RPH3A: variants seen among roughly 807,000 people sequenced by gnomAD.
The protein encoded by RPH3A is rabphilin-3A.
In RPH3A, 48 loss-of-function variants were observed where a neutral mutation model predicts 102.2. That is an observed-to-expected ratio of 0.47 (90% confidence interval 0.37 to 0.60). The LOEUF is 0.60. Among genes scored for constraint, RPH3A ranks in the 20% least tolerant of loss-of-function variants. The pLI is 0.00. For missense variants in RPH3A, 781 were observed against 910.1 expected (o/e 0.86, Z 1.83); for synonymous variants, 310 against 324.3 (o/e 0.96, Z 0.47).
chr12:112,673,400 G>A (rs953978570), intron 1 of RPH3A, among the ~76,000 whole-genome samples: 3 of 152,004 alleles, frequency 2.0e-5, no homozygotes, highest in African/African-American at 7.3e-5. Flanking sequence ...GCATGAACAT[G>A]GTTCACTGTA....
chr12:112,716,409 A>G (rs1015235235), intron 1 of RPH3A, among the ~76,000 whole-genome samples: 1 of 152,240 alleles, frequency 6.6e-6, no homozygotes, highest in African/African-American at 2.4e-5. Context: ...TGTATGAGTT[A>G]GAGTCCTGGT....
intron 1 of RPH3A, among the ~76,000 whole-genome samples, chr12:112,673,051 A>T (rs1488053934): frequency 1.3e-5 from 2 of 152,078 alleles, no homozygotes; most frequent in African/African-American, 4.8e-5. Flanking sequence ...CACTGAAGGC[A>T]CCCACAGCTC....
chr12:112,597,053 A>ATG (rs2135966539), intron 1 of RPH3A, among the ~76,000 whole-genome samples: 1 of 152,310 alleles, frequency 6.6e-6, no homozygotes, highest in Non-Finnish European at 1.5e-5. Flanking sequence ...AGGAAGACAC[A>ATG]TTAACCTTCT....
intron 1 of RPH3A, among the ~76,000 whole-genome samples, chr12:112,654,081 C>T (rs756631754): frequency 7.2e-5 from 11 of 152,222 alleles, no homozygotes; most frequent in Non-Finnish European, 1.5e-4. Flanking sequence ...GAGCTGTCCT[C>T]TCCTATGATA....
intron 1 of RPH3A, among the ~76,000 whole-genome samples, chr12:112,575,808 C>G (rs1260832188): frequency 6.6e-6 from 1 of 152,132 alleles, no homozygotes; most frequent in African/African-American, 2.4e-5. Context: ...ACTAGAGAGA[C>G]AGTGTGTCTG....
chr12:112,709,535 G>A lies in RPH3A; in HGVS notation c.-139-82608G>A, dbSNP rs138814773. Among the ~76,000 whole-genome samples the A allele has an allele frequency of 2.6e-3, 380 of 147,158 alleles. 3 individuals are homozygous for A. The highest frequency in any genetic ancestry group is 8.9e-3 in the African/African-American group (354 of 39,808). ...ACTGCACTCCAGCCTGGGTGACAGA[G>A]CGAAACCCTGTCTCAAAAAAAAAAA... On this transcript the variant is annotated intron_variant, in intron 1 of 21. Transcript: ENST00000543106.
chr12:112,643,573 CT>C (rs531637786), intron 1 of RPH3A, among the ~76,000 whole-genome samples: 3 of 152,224 alleles, frequency 2.0e-5, no homozygotes, highest in Non-Finnish European at 4.4e-5. Context: ...AAAATCCAGC[CT>C]CACTTTCATC....
At chr12:112,709,189 C>T (rs1049811869) in intron 1 of RPH3A, among the ~76,000 whole-genome samples, 2 of 152,112 alleles carry the variant, frequency 1.3e-5, no homozygotes, top group East Asian at 3.8e-4. Flanking sequence ...AAAAAGTGAG[C>T]TGTTTAGGTA....
At chr12:112,701,262 T>C (rs2040392035) in intron 1 of RPH3A, among the ~76,000 whole-genome samples, 2 of 152,176 alleles carry the variant, frequency 1.3e-5, no homozygotes, top group African/African-American at 4.8e-5. Flanking sequence ...GTCACCTTAC[T>C]CTTTAGATGT....
intron 1 of RPH3A, among the ~76,000 whole-genome samples, chr12:112,720,838 T>C (rs1278853610): frequency 6.6e-6 from 1 of 152,174 alleles, no homozygotes; most frequent in East Asian, 1.9e-4. Flanking sequence ...GTACACTTGG[T>C]CTTTTGTGGG....
intron 1 of RPH3A, among the ~76,000 whole-genome samples, chr12:112,646,230 T>C (rs1401217304): frequency 1.3e-5 from 2 of 152,206 alleles, no homozygotes; most frequent in Admixed American, 6.5e-5. Flanking sequence ...TAGGTAACAG[T>C]GACTCCAGGA....
intron 2 of RPH3A, among the ~76,000 whole-genome samples, chr12:112,793,340 G>C (rs1026671290): frequency 1.3e-5 from 2 of 152,154 alleles, no homozygotes; most frequent in Non-Finnish European, 2.9e-5. Flanking sequence ...TATTATCTCA[G>C]GGGCCACCTC....
intron 5 of RPH3A, among the ~76,000 whole-genome samples, chr12:112,852,811 A>G (rs909575200): frequency 2.0e-5 from 3 of 152,134 alleles, no homozygotes; most frequent in African/African-American, 7.2e-5. Context: ...ATTGGTTTGC[A>G]TTTCCACCTC....
intron 1 of RPH3A, among the ~76,000 whole-genome samples, chr12:112,684,459 G>T (rs973211029): frequency 2.0e-5 from 3 of 151,904 alleles, no homozygotes; most frequent in Non-Finnish European, 4.4e-5. Flanking sequence ...GTAGAGACAG[G>T]GTTATGCCAT....
At chr12:112,888,337 C>T (rs1166258750) in intron 17 of RPH3A, among the ~76,000 whole-genome samples, 1 of 152,230 alleles carries the variant, frequency 6.6e-6, no homozygotes, top group Non-Finnish European at 1.5e-5. Context: ...TAAAAAATAA[C>T]ATAATCAAAA....
chr12:112,627,129 C>T (rs1420224288), intron 1 of RPH3A, among the ~76,000 whole-genome samples: 3 of 142,074 alleles, frequency 2.1e-5, no homozygotes, highest in Non-Finnish European at 4.6e-5. Flanking sequence ...TTAGTGGGTG[C>T]AGCGCACCAG....
chr12:112,737,831 A>G (rs953775294), intron 1 of RPH3A, among the ~76,000 whole-genome samples: 37 of 152,208 alleles, frequency 2.4e-4, no homozygotes, highest in African/African-American at 7.2e-4. Context: ...AGTGTTGTCC[A>G]TGACCGGTGC....
Position 112,603,805 on chromosome 12 carries a change from G to A in RPH3A, c.-140+28486G>A, listed in dbSNP as rs374183560. Among the ~76,000 whole-genome samples the A allele has an allele frequency of 1.6e-4, 24 of 152,128 alleles. No homozygotes were observed. In the East Asian group the frequency reaches 1.9e-3, roughly 12 times the overall value. On this transcript the variant is annotated intron_variant, in intron 1 of 21. Transcript: ENST00000543106. Reference sequence around the variant, plus strand: ...GCAAGTCCCAGTCTCATTTTTCTTCGCCCTCACTCAAGATGGAGTCACTCT... The same window carrying A: ...GCAAGTCCCAGTCTCATTTTTCTTCACCCTCACTCAAGATGGAGTCACTCT...
chr12:112,742,903 G>A (rs1159889103), intron 1 of RPH3A, among the ~76,000 whole-genome samples: 1 of 152,160 alleles, frequency 6.6e-6, no homozygotes, highest in East Asian at 1.9e-4. Context: ...TGTTCCTCCT[G>A]GAAGCTCTAG....
Sources: allele counts gnomAD v4.1 joint callset (sites outside exome capture counted in the v4.1 genomes callset), GRCh38; gene constraint gnomAD v4.1.1; transcripts MANE v1.5; gene names NCBI Gene and HGNC (gene_info 2026-07-23, HGNC 2026-07-21).